UNC5D: variants seen among roughly 807,000 people sequenced by gnomAD.
UNC5D encodes the protein netrin receptor UNC5D.
Under a neutral mutation model 105.4 loss-of-function variants are expected in UNC5D, and 39 were observed. That is an observed-to-expected ratio of 0.37 (90% CI 0.29 to 0.48). UNC5D has a LOEUF of 0.48. UNC5D is among the 20% of genes least tolerant of loss of function. UNC5D has a pLI of 0.98. For missense variants in UNC5D, 991 were observed against 1,202.4 expected, an observed-to-expected ratio of 0.82 and a Z score of 2.60; for synonymous variants, 452 against 450.4, an observed-to-expected ratio of 1.00 and a Z score of -0.04.
rs771926175 is a variant in UNC5D, at chr8:35,513,500, ATTACAGGAGTGAGCCACCATGCCC to A, written c.104-35791_104-35768del. On this transcript the variant is annotated intron_variant, in intron 1 of 16. Transcript: ENST00000404895. ...TGCCTCTGCCTCCCAAGGTGCTGGG[ATTACAGGAGTGAGCCACCATGCCC>A]GGCCGGGCCCTTCCTCAACAAGCTA... is the stretch of plus-strand genomic sequence containing the variant. Among the ~76,000 whole-genome samples the A allele has an allele frequency of 4.8e-3, 738 of 152,242 alleles. 2 individuals are homozygous for A. Among genetic ancestry groups the A allele is most frequent in the Non-Finnish European group, 8.5e-3 (578 of 68,004 alleles).
At chr8:35,453,118 A>G (rs1283648272) in intron 1 of UNC5D, among the ~76,000 whole-genome samples, 1 of 152,204 alleles carries the variant, frequency 6.6e-6, no homozygotes, top group Non-Finnish European at 1.5e-5. Context: ...TTCACTGGAA[A>G]GTAGGGAAAT....
intron 1 of UNC5D, among the ~76,000 whole-genome samples, chr8:35,427,385 G>A (rs925051363): frequency 9.2e-5 from 14 of 152,312 alleles, no homozygotes; most frequent in African/African-American, 2.9e-4. Flanking sequence ...CTTGCTAGAT[G>A]GGAAAACAGA....
At chr8:35,543,498 G>T (rs904112503) in intron 1 of UNC5D, among the ~76,000 whole-genome samples, 3 of 152,098 alleles carry the variant, frequency 2.0e-5, no homozygotes, top group African/African-American at 7.2e-5. Context: ...TATTAGAATG[G>T]CAGTGCCTTT....
rs1266630636 is a variant in UNC5D, at chr8:35,791,605, A to G, written c.*1042A>G. On this transcript the variant is annotated 3_prime_UTR_variant, in exon 17 of 17. Transcript: ENST00000404895. ...AACATGTGGGTACTGTGTCATCACAAAATCTCTCAGTAAGGCTATATGTGA... is the reference window on the plus strand; with the variant it reads ...AACATGTGGGTACTGTGTCATCACAGAATCTCTCAGTAAGGCTATATGTGA... 6.6e-6 allele frequency: 1 copy of G among 152,170 alleles called. No individual in the cohort carries two copies. The highest frequency in any genetic ancestry group is 1.5e-5 in the Non-Finnish European group (1 of 68,030). 9.4% of individuals were successfully genotyped at this position (152,170 alleles called of 1,614,324 possible).
At chr8:35,716,057 G>A (rs1019824630) in intron 8 of UNC5D, among the ~76,000 whole-genome samples, 2 of 152,162 alleles carry the variant, frequency 1.3e-5, no homozygotes, top group Non-Finnish European at 2.9e-5. Flanking sequence ...TGATGCCAGT[G>A]CTATAGTTAG....
In UNC5D at chr8:35,359,454, T is replaced by C. The variant is rs533850523; in HGVS notation, c.103+123567T>C. Among the ~76,000 whole-genome samples, 3 of 152,332 alleles carry C rather than the reference T, an allele frequency of 2.0e-5. No homozygotes were observed. In the East Asian group the frequency reaches 5.8e-4, roughly 29 times the overall value. Reference sequence around the variant, plus strand: ...TTATTCGTGGACCATCACAATGTTATCAAAGTTTCTGTGTGAAGAGATTGT... The same window carrying C: ...TTATTCGTGGACCATCACAATGTTACCAAAGTTTCTGTGTGAAGAGATTGT... On this transcript the variant is annotated intron_variant, in intron 1 of 16. Transcript: ENST00000404895.
intron 1 of UNC5D, among the ~76,000 whole-genome samples, chr8:35,404,707 C>T (rs935768676): frequency 1.6e-4 from 24 of 152,200 alleles, no homozygotes; most frequent in African/African-American, 5.3e-4. Context: ...CCTGCCTCAG[C>T]CTCCCGAGTA....
intron 1 of UNC5D, among the ~76,000 whole-genome samples, chr8:35,475,863 A>AT (rs1020994440): frequency 6.6e-6 from 1 of 151,568 alleles, no homozygotes. Flanking sequence ...GAGTAGAATC[A>AT]TTTTTTTTCT....
Position 35,792,773 on chromosome 8 carries a change from C to G in UNC5D, c.*2210C>G. The stretch of plus-strand genomic sequence containing the variant: ...CTGTCTTTAGCATTTTCCCTCTTCC[C>G]TTCTAATGGGCATTATAATTGTTTC... On this transcript the variant is annotated 3_prime_UTR_variant, in exon 17 of 17. Transcript: ENST00000404895. 4 of 296,568 alleles carry G rather than the reference C, an allele frequency of 1.3e-5. No homozygotes were observed. The highest frequency in any genetic ancestry group is 1.2e-4 in the South Asian group (4 of 33,622). 18.4% of individuals were successfully genotyped at this position (296,568 alleles called of 1,614,324 possible). A position where few individuals can be genotyped will look rare whatever the true frequency, so the allele number is the denominator to read the frequency against.
chr8:35,349,842 A>G (rs1812074735), intron 1 of UNC5D, among the ~76,000 whole-genome samples: 1 of 151,996 alleles, frequency 6.6e-6, no homozygotes, highest in Non-Finnish European at 1.5e-5. Context: ...GTGACTTTTA[A>G]TGTCATCAAG....
At chr8:35,456,921 TTTAAC>T (rs1433632675) in intron 1 of UNC5D, among the ~76,000 whole-genome samples, 2 of 152,194 alleles carry the variant, frequency 1.3e-5, no homozygotes, top group Admixed American at 1.3e-4. Context: ...GCATCTCCCT[TTTAAC>T]TTAGCAGCTG....
chr8:35,380,978 C>T (rs190387264), intron 1 of UNC5D, among the ~76,000 whole-genome samples: 7 of 142,622 alleles, frequency 4.9e-5, no homozygotes, highest in East Asian at 4.7e-4. Flanking sequence ...TAAAAGGGAA[C>T]GGTATTGTTT....
chr8:35,275,261 T>A (rs898219707), intron 1 of UNC5D, among the ~76,000 whole-genome samples: 2 of 152,042 alleles, frequency 1.3e-5, no homozygotes, highest in Non-Finnish European at 2.9e-5. Context: ...CTATCTTTCC[T>A]ACTACCCTTC....
chr8:35,246,669 C>G (rs1022012044), intron 1 of UNC5D, among the ~76,000 whole-genome samples: 10 of 152,030 alleles, frequency 6.6e-5, no homozygotes, highest in African/African-American at 2.4e-4. Context: ...CGAAGCATCA[C>G]GACTCCAGCA....
intron 4 of UNC5D, among the ~76,000 whole-genome samples, chr8:35,640,119 AT>A (rs1218830108): frequency 4.0e-5 from 6 of 151,350 alleles, no homozygotes; most frequent in South Asian, 4.2e-4. Context: ...TAAAATTTTA[AT>A]TTTTTTTTAA....
chr8:35,405,428 G>A (rs1213348530), intron 1 of UNC5D, among the ~76,000 whole-genome samples: 2 of 152,178 alleles, frequency 1.3e-5, no homozygotes, highest in Admixed American at 1.3e-4. Context: ...AGCCTATGAT[G>A]CCCATATTAC....
chr8:35,595,712 G>C, intron 4 of UNC5D, 55 bp downstream of exon 4: 1 of 1,533,090 alleles, frequency 6.5e-7, no homozygotes, highest in Non-Finnish European at 9.0e-7. Context: ...GTTCCCAAGA[G>C]GGAGGGCGGA....
chr8:35,542,017 A>C (rs1192442753), intron 1 of UNC5D, among the ~76,000 whole-genome samples: 1 of 152,214 alleles, frequency 6.6e-6, no homozygotes, highest in Non-Finnish European at 1.5e-5. Context: ...GCAGGATTTA[A>C]GATCTGCTCG....
At chr8:35,295,996 G>T (rs533071886) in intron 1 of UNC5D, among the ~76,000 whole-genome samples, 1 of 152,248 alleles carries the variant, frequency 6.6e-6, no homozygotes, top group East Asian at 1.9e-4. Context: ...GTCACAAATG[G>T]CAGGATTTCT....
Sources: gnomAD v4.1 joint callset for allele counts (sites outside exome capture counted in the v4.1 genomes callset) on GRCh38, gnomAD v4.1.1 for gene constraint, MANE v1.5 for transcripts, NCBI Gene and HGNC (gene_info 2026-07-23, HGNC 2026-07-21) for gene names.